Variants in PHF20 observed in about 807,000 individuals in gnomAD.
PHF20 encodes PHD finger protein 20, also known as glioma-expressed antigen 2.
PHF20 carries 23 observed loss-of-function variants against 113.5 expected under a neutral mutation model. The ratio of observed to expected loss-of-function variants is 0.20; its 90% CI spans 0.15 to 0.29. The LOEUF (loss-of-function observed/expected upper bound fraction) is 0.29. Among genes scored for constraint, PHF20 ranks in the 10% least tolerant of loss-of-function variants. The probability of loss-of-function intolerance (pLI) is 1.00; values close to 1 mark genes in which losing one functional copy is unlikely to be tolerated. For synonymous variants in PHF20, 434 were observed against 457.3 expected (o/e 0.95, Z 0.65); for missense variants, 943 against 1,219.6 (o/e 0.77, Z 3.38).
intron 15 of PHF20, among the ~76,000 whole-genome samples, chr20:35,935,875 T>G (rs995230244): frequency 3.9e-5 from 6 of 152,376 alleles, no homozygotes; most frequent in Admixed American, 6.5e-5. Flanking sequence ...TCATGGGCTC[T>G]GGGTCTTTAT....
intron 9 of PHF20, 75 bp downstream of exon 9, chr20:35,871,904 AAT>A: frequency 1.8e-6 from 2 of 1,091,778 alleles, no homozygotes; most frequent in African/African-American, 1.6e-5. Context: ...AAAAAAAAAA[AAT>A]GACTTTTCTG....
chr20:35,785,050 T>TAA (rs879858412), intron 1 of PHF20, among the ~76,000 whole-genome samples: 1 of 142,276 alleles, frequency 7.0e-6, no homozygotes. Context: ...GACCCTGTCT[T>TAA]AAAAAAAAAA....
rs2056121600 is a variant in PHF20 at position 35,948,261 on chromosome 20, C to G, written c.*634C>G. ...CACCCCAGAGCTGGCTGGGTTATGG[C>G]TTTTGTAGCAGAGCCCATACAGCCT... On this transcript the variant is annotated 3_prime_UTR_variant, in exon 18 of 18. Transcript: ENST00000374012. 1 of 152,786 alleles carries G rather than the reference C, an allele frequency of 6.5e-6. No homozygotes were observed. Among genetic ancestry groups the G allele is most frequent in the African/African-American group, 2.4e-5 (1 of 41,428 alleles). 9.5% of individuals were successfully genotyped at this position (152,786 alleles called of 1,614,324 possible).
chr20:35,828,798 C>T (rs980681013), intron 2 of PHF20, among the ~76,000 whole-genome samples: 3 of 152,204 alleles, frequency 2.0e-5, no homozygotes, highest in African/African-American at 7.2e-5. Flanking sequence ...AACATGAGGA[C>T]TGGCACCTCT....
chr20:35,942,037 C>T (rs1043402888), intron 17 of PHF20, among the ~76,000 whole-genome samples: 4 of 152,122 alleles, frequency 2.6e-5, no homozygotes, highest in Admixed American at 2.0e-4. Context: ...TGGTGGCTCA[C>T]ACCTATAATC....
intron 10 of PHF20, among the ~76,000 whole-genome samples, chr20:35,910,172 C>G (rs77029068): frequency 0.076 from 11,616 of 152,132 alleles, 690 homozygotes; most frequent in South Asian, 0.2. Context: ...CACAAAAGGT[C>G]ACATATTGTA....
Position 35,869,470 on chromosome 20 carries a change from A to G in PHF20, c.841A>G (p.Ile281Val), listed in dbSNP as rs1038516584. ...TTCAAACTCTCAAACTTTGCAACCAATAACATTGGAACTGAGAAGAAGGAA... is the reference window on the plus strand; with the variant it reads ...TTCAAACTCTCAAACTTTGCAACCAGTAACATTGGAACTGAGAAGAAGGAA... ...VDSNSQTLQP[I>V]TLELRRRKIS... The change falls in exon 7 of 18, where the codon ATA becomes GTA. Residue 281 changes from isoleucine to valine, a missense_variant. Around this residue, in one of 3 missense-constraint regions of PHF20, gnomAD observed 592 missense variants for 787.2 expected, o/e 0.75. Transcript: ENST00000374012. 8 of 1,610,324 alleles carry G rather than the reference A, an allele frequency of 5.0e-6. No homozygotes were observed. Among genetic ancestry groups the G allele is most frequent in the Non-Finnish European group, 6.8e-6 (8 of 1,177,770 alleles).
chr20:35,850,873 G>A (rs1055708303), intron 4 of PHF20: 29 of 1,069,608 alleles, frequency 2.7e-5, no homozygotes, highest in Middle Eastern at 3.2e-4. Context: ...TGAATGCTTC[G>A]AACTTGGAGA....
chr20:35,903,927 C>T (rs1387602024), intron 10 of PHF20, among the ~76,000 whole-genome samples: 1 of 152,210 alleles, frequency 6.6e-6, no homozygotes, highest in South Asian at 2.1e-4. Flanking sequence ...TTACCTTTCT[C>T]CCATCAAAGC....
chr20:35,920,285 G>A (rs1430769258), intron 13 of PHF20, among the ~76,000 whole-genome samples: 1 of 152,140 alleles, frequency 6.6e-6, no homozygotes, highest in African/African-American at 2.4e-5. Context: ...CATCCATGTT[G>A]TTGTGTGTTT....
chr20:35,902,692 C>T (rs1205620756), intron 10 of PHF20, among the ~76,000 whole-genome samples: 2 of 152,242 alleles, frequency 1.3e-5, no homozygotes, highest in African/African-American at 4.8e-5. Context: ...AGTTTGAATA[C>T]AGGCTCTACC....
chr20:35,800,884 G>A (rs6058325), intron 1 of PHF20, among the ~76,000 whole-genome samples: 16,612 of 152,010 alleles, frequency 0.11, 931 homozygotes, highest in South Asian at 0.16. Flanking sequence ...AGAGACGAGC[G>A]TTTGCTATGT....
chr20:35,947,341 TC>T lies in PHF20; in HGVS notation c.2897-142del. Reference sequence around the variant, plus strand: ...ACACAGTGCTGGCTGAAATGGCCCTTCCTCCCTTGCCCCATGGAGGCTGAAA... The same window carrying T: ...ACACAGTGCTGGCTGAAATGGCCCTTCTCCCTTGCCCCATGGAGGCTGAAA... On this transcript the variant is annotated intron_variant, in intron 17 of 17. Coordinates refer to ENST00000374012, the MANE Select transcript of PHF20 (RefSeq NM_016436.5). The T allele has an allele frequency of 5.6e-6, 4 of 709,400 alleles. No homozygotes were observed. The South Asian group carries it at 7.2e-5, about 13-fold the overall frequency. 43.9% of individuals were successfully genotyped at this position (709,400 alleles called of 1,614,324 possible). A position where few individuals can be genotyped will look rare whatever the true frequency, so the allele number is the denominator to read the frequency against.
intron 1 of PHF20, among the ~76,000 whole-genome samples, chr20:35,777,941 T>G (rs1339291915): frequency 6.6e-6 from 1 of 152,198 alleles, no homozygotes; most frequent in Non-Finnish European, 1.5e-5. Context: ...ACCTGATTAT[T>G]GTCAAAGACA....
intron 2 of PHF20, among the ~76,000 whole-genome samples, chr20:35,809,875 A>T (rs781031797): frequency 3.3e-4 from 51 of 152,330 alleles, no homozygotes; most frequent in Middle Eastern, 6.8e-3. Context: ...GCCTAGGCAG[A>T]TAGGGACAGT....
rs561186251 is a variant in PHF20, at chr20:35,899,934, G to A, written c.1561+286G>A. Among the ~76,000 whole-genome samples the A allele has an allele frequency of 2.0e-5, 3 of 152,314 alleles. No individual in the cohort carries two copies. In the East Asian group the frequency reaches 5.8e-4, roughly 29 times the overall value. On this transcript the variant is annotated intron_variant, in intron 10 of 17. Coordinates refer to ENST00000374012, the MANE Select transcript of PHF20 (RefSeq NM_016436.5). ...TCAAGCAAAGGGACCTTATTCAGAA[G>A]CCAGCAGGAGAACTCGTGCTCAGAG...
At chr20:35,919,358 G>C (rs80166585) in intron 13 of PHF20, among the ~76,000 whole-genome samples, 1 of 51,462 alleles carries the variant, frequency 1.9e-5, no homozygotes, top group East Asian at 5.7e-4. Context: ...TTTTTTTTTT[G>C]AGACGGAGTC....
intron 1 of PHF20, among the ~76,000 whole-genome samples, chr20:35,781,958 A>T (rs1014896757): frequency 2.0e-5 from 3 of 151,216 alleles, no homozygotes; most frequent in Non-Finnish European, 2.9e-5. Context: ...AAAAAAAAAA[A>T]AAATTATAAC....
At chr20:35,897,629 C>T (rs1311993010) in intron 9 of PHF20, among the ~76,000 whole-genome samples, 3 of 135,758 alleles carry the variant, frequency 2.2e-5, no homozygotes, top group Non-Finnish European at 3.0e-5. Flanking sequence ...TGCAGAGGTG[C>T]GATCTCGGCT....
Sources: allele counts gnomAD v4.1 joint callset (sites outside exome capture counted in the v4.1 genomes callset), GRCh38; gene constraint gnomAD v4.1.1; regional missense constraint gnomAD v4.1.1; transcripts MANE v1.5; gene names NCBI Gene and HGNC (gene_info 2026-07-23, HGNC 2026-07-21).